Variants in UBE3D observed in about 807,000 individuals in gnomAD.
The protein encoded by UBE3D is E3 ubiquitin-protein ligase E3D.
UBE3D carries 48 observed loss-of-function variants against 49.6 expected under a neutral mutation model. The ratio of observed to expected loss-of-function variants is 0.97; its 90% CI spans 0.77 to 1.23. The LOEUF is 1.23. UBE3D is among the 50% of genes most tolerant of loss of function. UBE3D has a pLI of 0.00. For missense variants in UBE3D, 452 were observed against 468.4 expected (o/e 0.96, Z 0.32); for synonymous variants, 189 against 174.2 (o/e 1.08, Z -0.67).
rs56663287 is a variant in UBE3D at position 82,995,490 on chromosome 6, T to TCACACACACACACACA, written c.1010+23467_1010+23482dup. 8.8e-3 allele frequency among the ~76,000 whole-genome samples: 1,214 copies of TCACACACACACACACA among 138,232 alleles called. 7 individuals are homozygous for TCACACACACACACACA. The highest frequency in any genetic ancestry group is 0.019 in the African/African-American group (681 of 35,662). 90.7% of individuals were successfully genotyped at this position (138,232 alleles called of 152,430 possible). On this transcript the variant is annotated intron_variant, in intron 8 of 9. Coordinates refer to ENST00000369747, the MANE Select transcript of UBE3D (RefSeq NM_198920.3). Reference sequence around the variant, plus strand: ...CCAGATAAAGGATTAATACTAACAATCACACACACACACACACACACACAC... The same window carrying TCACACACACACACACA: ...CCAGATAAAGGATTAATACTAACAATCACACACACACACACACACACACACACACACACACACACAC...
intron 5 of UBE3D, among the ~76,000 whole-genome samples, chr6:83,025,779 A>T (rs1466653468): frequency 1.3e-5 from 2 of 149,370 alleles, no homozygotes; most frequent in Non-Finnish European, 3.0e-5. Context: ...GCTACTCGGG[A>T]GGGTGAGGCA....
chr6:83,015,265 G>C (rs1780620669), intron 8 of UBE3D, among the ~76,000 whole-genome samples: 1 of 152,080 alleles, frequency 6.6e-6, no homozygotes, highest in South Asian at 2.1e-4. Context: ...CTCCCAGCTG[G>C]GATGAGTAGA....
chr6:82,971,999 T>C (rs1292510278), intron 8 of UBE3D, among the ~76,000 whole-genome samples: 1 of 152,112 alleles, frequency 6.6e-6, no homozygotes, highest in Non-Finnish European at 1.5e-5. Context: ...TGTGTTGAAA[T>C]AGATGGTGAG....
intron 9 of UBE3D, among the ~76,000 whole-genome samples, chr6:82,949,373 C>CA (rs370733935): frequency 1.3e-5 from 2 of 151,248 alleles, no homozygotes; most frequent in African/African-American, 2.4e-5. Flanking sequence ...GAAGAAGACA[C>CA]AAAAAAATGG....
intron 8 of UBE3D, among the ~76,000 whole-genome samples, chr6:82,968,072 T>C (rs1195086827): frequency 6.6e-6 from 1 of 152,196 alleles, no homozygotes; most frequent in Non-Finnish European, 1.5e-5. Context: ...CGAGCTGCTA[T>C]GAACATCTGT....
chr6:82,889,286 T>C (rs1308352655), downstream of UBE3D, among the ~76,000 whole-genome samples: 4 of 152,246 alleles, frequency 2.6e-5, no homozygotes, highest in Non-Finnish European at 5.9e-5. Flanking sequence ...GCTGGCTTTA[T>C]CATGCAAAAG....
chr6:83,026,923 G>A (rs934692128), intron 5 of UBE3D, among the ~76,000 whole-genome samples: 4 of 151,980 alleles, frequency 2.6e-5, no homozygotes, highest in Admixed American at 1.3e-4. Context: ...TCTCATCTCC[G>A]CCTCCCAAAG....
rs565611412 is a variant in UBE3D at position 82,987,229 on chromosome 6, G to A, written c.1011-29779C>T. Among the ~76,000 whole-genome samples, 3 of 152,166 alleles carry A rather than the reference G, an allele frequency of 2.0e-5. No individual in the cohort carries two copies. In the South Asian group the frequency reaches 6.2e-4, roughly 32 times the overall value. On this transcript the variant is annotated intron_variant, in intron 8 of 9. Transcript: ENST00000369747. ...GAGTCTCACTACGTTGCCCAGGCTGGTCTTGAACTCCTGGCCTCAAGTAAT... is the reference window on the plus strand; with the variant it reads ...GAGTCTCACTACGTTGCCCAGGCTGATCTTGAACTCCTGGCCTCAAGTAAT...
At chr6:83,022,764 T>C (rs1781196556) in intron 6 of UBE3D, among the ~76,000 whole-genome samples, 1 of 152,228 alleles carries the variant, frequency 6.6e-6, no homozygotes, top group South Asian at 2.1e-4. Context: ...CCATTCTTCT[T>C]AAAACCTATT....
chr6:82,887,388 A>AGTTTTTGTTTTGTTTT, the UBE3D span, among the ~76,000 whole-genome samples: 1,093 of 79,002 alleles, frequency 0.014, 56 homozygotes, highest in African/African-American at 0.084. Context: ...AGACAGTAAC[A>AGTTTTTGTTTTGTTTT]GTTTTTTTTT....
intron 2 of UBE3D, among the ~76,000 whole-genome samples, chr6:83,056,179 T>G (rs1431758345): frequency 6.6e-6 from 1 of 152,238 alleles, no homozygotes; most frequent in Non-Finnish European, 1.5e-5. Context: ...GTTTTGATAT[T>G]TGTATATTCA....
At position 82,988,464 on chromosome 6, in the gene UBE3D, G is replaced by GA. The variant is rs201675687; in HGVS notation, c.1010+30508dup. 2.9e-4 allele frequency among the ~76,000 whole-genome samples: 43 copies of GA among 148,484 alleles called. No homozygotes were observed. In the East Asian group the frequency reaches 3.7e-3, roughly 13 times the overall value. On this transcript the variant is annotated intron_variant, in intron 8 of 9. Transcript: ENST00000369747. ...CCTCTCAGTGAAGTACAAGACATGA[G>GA]AAAAAAAAAATATTCTTTAACTGAC...
intron 2 of UBE3D, among the ~76,000 whole-genome samples, chr6:83,054,823 G>A (rs1338851961): frequency 6.6e-6 from 1 of 152,048 alleles, no homozygotes; most frequent in South Asian, 2.1e-4. Flanking sequence ...GCTAATTTTT[G>A]TATTTTTAGT....
chr6:82,962,446 G>T (rs1041661324), intron 8 of UBE3D, among the ~76,000 whole-genome samples: 2 of 152,248 alleles, frequency 1.3e-5, no homozygotes, highest in African/African-American at 4.8e-5. Flanking sequence ...TTGGAGTCAG[G>T]TATACAACCT....
chr6:82,931,888 A>G (rs779633552), intron 9 of UBE3D, among the ~76,000 whole-genome samples: 1 of 152,026 alleles, frequency 6.6e-6, no homozygotes. Flanking sequence ...TCCTCACTGA[A>G]ATCTCATCTT....
chr6:82,943,078 G>A (rs1204308724), intron 9 of UBE3D, among the ~76,000 whole-genome samples: 4 of 152,242 alleles, frequency 2.6e-5, no homozygotes, highest in African/African-American at 9.6e-5. Context: ...TGACCTGAAT[G>A]TGAAACATGG....
chr6:82,944,256 C>T (rs919875475), intron 9 of UBE3D, among the ~76,000 whole-genome samples: 2 of 152,168 alleles, frequency 1.3e-5, no homozygotes, highest in African/African-American at 4.8e-5. Context: ...TATTTTGAAT[C>T]TTGAATACTA....
chr6:82,964,833 G>A (rs907133554), intron 8 of UBE3D, among the ~76,000 whole-genome samples: 7 of 152,004 alleles, frequency 4.6e-5, no homozygotes, highest in African/African-American at 1.7e-4. Flanking sequence ...ATTATACTTA[G>A]AATATTTCAA....
At chr6:82,996,335 TAA>T (rs1432614161) in intron 8 of UBE3D, among the ~76,000 whole-genome samples, 3 of 150,516 alleles carry the variant, frequency 2.0e-5, no homozygotes, top group African/African-American at 7.3e-5. Flanking sequence ...AATAAATAAA[TAA>T]ATAAATAAAT....
Sources: gnomAD v4.1 joint callset for allele counts (sites outside exome capture counted in the v4.1 genomes callset) on GRCh38, gnomAD v4.1.1 for gene constraint, MANE v1.5 for transcripts, NCBI Gene and HGNC (gene_info 2026-07-23, HGNC 2026-07-21) for gene names.